PDLIM3: variants seen among roughly 807,000 people sequenced by gnomAD.
The protein encoded by PDLIM3 is PDZ and LIM domain protein 3.
A neutral mutation model predicts 37.3 loss-of-function variants in PDLIM3; 36 were observed. The ratio of observed to expected loss-of-function variants is 0.97; its 90% CI spans 0.74 to 1.28. The LOEUF (loss-of-function observed/expected upper bound fraction) is 1.28. Ranked by LOEUF, PDLIM3 falls within the 50% of genes most tolerant of loss-of-function variation. The probability of loss-of-function intolerance (pLI) is 0.00; values close to 1 mark genes in which losing one functional copy is unlikely to be tolerated. For missense variants in PDLIM3, 454 were observed against 485.0 expected, an observed-to-expected ratio of 0.94 and a Z score of 0.60; for synonymous variants, 174 against 182.4, an observed-to-expected ratio of 0.95 and a Z score of 0.37.
At chr4:185,531,014 A>G (rs1420495261) in intron 1 of PDLIM3, among the ~76,000 whole-genome samples, 1 of 150,548 alleles carries the variant, frequency 6.6e-6, no homozygotes, top group Non-Finnish European at 1.5e-5. Flanking sequence ...ACACACACAC[A>G]CGTATATATA....
chr4:185,525,071 G>A lies in PDLIM3; in HGVS notation c.194C>T (p.Ala65Val), dbSNP rs769091239. The change falls in exon 2 of 8, where the codon GCG (alanine) becomes GTG (valine). Residue 65 changes from alanine to valine, a missense_variant. Transcript: ENST00000284767. ...AGCTGCTGCTTTAATCCTGTCCTGC[G>A]CATCAGCATGAGTCATGGACTCTGT... ...FGTESMTHAD[A>V]QDRIKAAAHQ... 6.8e-6 allele frequency: 11 copies of A among 1,613,916 alleles called. No homozygotes were observed. Among genetic ancestry groups the A allele is most frequent in the East Asian group, 2.2e-5 (1 of 44,900 alleles).
intron 1 of PDLIM3, among the ~76,000 whole-genome samples, chr4:185,525,783 CTCT>C (rs2095732967): frequency 6.6e-6 from 1 of 152,150 alleles, no homozygotes; most frequent in Non-Finnish European, 1.5e-5. Context: ...GCTCTCAGCT[CTCT>C]TGCCTCCAAT....
At position 185,502,615 on chromosome 4, in the gene PDLIM3, G is replaced by A. The variant is rs2095689021; in HGVS notation, c.906-132C>T. 7.1e-5 allele frequency: 57 copies of A among 800,146 alleles called. No individual in the cohort carries two copies. In the South Asian group the frequency reaches 7.6e-4, roughly 11 times the overall value. The allele number at this position is 800,146 out of a possible 1,614,324, so 49.6% of individuals were successfully genotyped here. ...GAAACAATGGCCTCCAGCTGTGAAA[G>A]CAGGCACAGCCGTGAAACTGTATGT... On this transcript the variant is annotated intron_variant, in intron 7 of 7. Transcript: ENST00000284767.
In PDLIM3 at chr4:185,501,643, CCA is replaced by C. The variant is rs1314428635; in HGVS notation, c.*649_*650del. The C allele has an allele frequency of 1.4e-4, 21 of 152,764 alleles. No homozygotes were observed. Among genetic ancestry groups the C allele is most frequent in the Admixed American group, 1.2e-3 (18 of 15,374 alleles). 9.5% of individuals were successfully genotyped at this position (152,764 alleles called of 1,614,324 possible). A position where few individuals can be genotyped will look rare whatever the true frequency, so the allele number is the denominator to read the frequency against. On this transcript the variant is annotated 3_prime_UTR_variant, in exon 8 of 8. Coordinates refer to ENST00000284767, the MANE Select transcript of PDLIM3 (RefSeq NM_014476.6). ...TAATGAGTTATAAAACCTGAAGAAGCCACATTTATCTTAAAATATTTGTTAGT... is the reference window on the plus strand; with the variant it reads ...TAATGAGTTATAAAACCTGAAGAAGCCATTTATCTTAAAATATTTGTTAGT...
At position 185,534,489 on chromosome 4, in the gene PDLIM3, C is replaced by A. The variant is rs548007750; in HGVS notation, c.93+853G>T. On this transcript the variant is annotated intron_variant, in intron 1 of 7. Coordinates refer to ENST00000284767, the MANE Select transcript of PDLIM3 (RefSeq NM_014476.6). ...TTGTGTTAGAAAAAAACCAGCTAGA[C>A]CAAATAATGCTTTAGAATTAATTCT... Among the ~76,000 whole-genome samples, 13 of 152,276 alleles carry A rather than the reference C, an allele frequency of 8.5e-5. No homozygotes were observed. In the East Asian group the frequency reaches 2.5e-3, roughly 29 times the overall value.
At chr4:185,519,945 G>A (rs959021401) in intron 3 of PDLIM3, among the ~76,000 whole-genome samples, 2 of 152,146 alleles carry the variant, frequency 1.3e-5, no homozygotes, top group African/African-American at 4.8e-5. Context: ...ACACGTATTT[G>A]CTGTCCAGAA....
intron 1 of PDLIM3, among the ~76,000 whole-genome samples, chr4:185,528,382 A>G (rs1227160748): frequency 6.6e-6 from 1 of 152,376 alleles, no homozygotes; most frequent in East Asian, 1.9e-4. Context: ...TAGATAATGA[A>G]TAACTATTGG....
chr4:185,519,557 G>A (rs888748688), intron 3 of PDLIM3, among the ~76,000 whole-genome samples: 15 of 152,282 alleles, frequency 9.9e-5, no homozygotes, highest in African/African-American at 3.6e-4. Context: ...AAAGTGCTGG[G>A]ACTACAGGCG....
chr4:185,506,422 G>A, intron 6 of PDLIM3, 100 bp downstream of exon 6: 1 of 1,512,448 alleles, frequency 6.6e-7, no homozygotes, highest in East Asian at 2.3e-5. Context: ...TGAAAACCAA[G>A]TTTTAGACTT....
chr4:185,531,926 T>TTAA (rs1554040345), intron 1 of PDLIM3, among the ~76,000 whole-genome samples: 2 of 105,916 alleles, frequency 1.9e-5, no homozygotes, highest in African/African-American at 3.7e-5. Context: ...CTATCTCTAC[T>TTAA]AAAAAAAAAA....
intron 3 of PDLIM3, among the ~76,000 whole-genome samples, chr4:185,519,567 G>C (rs553642500): frequency 1.3e-5 from 2 of 152,246 alleles, no homozygotes; most frequent in Non-Finnish European, 2.9e-5. Context: ...GACTACAGGC[G>C]TGAGCCACCA....
Position 185,514,919 on chromosome 4 carries a change from C to A in PDLIM3, c.331-582G>T. On this transcript the variant is annotated intron_variant, in intron 3 of 7. Transcript: ENST00000284767. This position sits in a 1 kb window ranked among gnomAD's most constrained non-coding sequence, Gnocchi z 4.0. ...TACAATGGCAGACAAAATACACAGC[C>A]ACACAGCGCACAAGAAAGCCATTAG... The A allele has an allele frequency of 6.5e-7, 1 of 1,529,120 alleles. No individual in the cohort carries two copies. Among genetic ancestry groups the A allele is most frequent in the Non-Finnish European group, 8.8e-7 (1 of 1,133,016 alleles). 94.7% of individuals were successfully genotyped at this position (1,529,120 alleles called of 1,614,324 possible).
rs200518013 is a variant in PDLIM3, at chr4:185,522,045, A to ATT, written c.330+1316_330+1317insAA. Among the ~76,000 whole-genome samples the ATT allele has an allele frequency of 9.3e-3, 622 of 66,662 alleles. 124 individuals are homozygous for ATT. The highest frequency in any genetic ancestry group is 0.016 in the African/African-American group (582 of 36,664). The allele number at this position is 66,662 out of a possible 152,430, so 43.7% of individuals were successfully genotyped here. On this transcript the variant is annotated intron_variant, in intron 3 of 7. Transcript: ENST00000284767. ...AAAACTCTACGACAACAATCTAATA[A>ATT]ACTCATTTCCTCTAAAGATTACATT...
intron 1 of PDLIM3, among the ~76,000 whole-genome samples, chr4:185,528,930 T>C (rs968703375): frequency 7.9e-5 from 12 of 152,208 alleles, no homozygotes; most frequent in Non-Finnish European, 1.8e-4. Flanking sequence ...CTTTATTGCA[T>C]TATTATATTC....
intron 1 of PDLIM3, among the ~76,000 whole-genome samples, chr4:185,530,039 A>C (rs551354991): frequency 6.6e-6 from 1 of 152,164 alleles, no homozygotes; most frequent in East Asian, 1.9e-4. Flanking sequence ...CTGCTGATAT[A>C]TTATCTTCTC....
chr4:185,504,586 T>C lies in PDLIM3; in HGVS notation c.794A>G (p.Asp265Gly), dbSNP rs750061720. 1 of 1,613,224 alleles carries C rather than the reference T, an allele frequency of 6.2e-7. No individual in the cohort carries two copies. Among genetic ancestry groups the C allele is most frequent in the Non-Finnish European group, 8.5e-7 (1 of 1,179,300 alleles). ...VLQGMVDDGS[D>G]DRPAGTRSVR... is the part of the protein sequence containing the mutation. ...ACTCCGCGTTCCAGCCGGACGGTCA[T>C]CTGAAAAACAAAGCGTTTCCATTTA... The change falls in exon 7 of 8, where the codon GAT becomes GGT. Residue 265 changes from aspartate (D) to glycine (G), a missense_variant and splice_region_variant. By Grantham distance (94) the Asp-to-Gly change is moderately conservative (BLOSUM62 -1). Coordinates refer to ENST00000284767, the MANE Select transcript of PDLIM3 (RefSeq NM_014476.6). The surrounding 1 kb of genome is among the most constrained non-coding windows in gnomAD (Gnocchi z 4.7).
intron 1 of PDLIM3, among the ~76,000 whole-genome samples, chr4:185,530,309 A>T (rs2095741755): frequency 6.6e-6 from 1 of 152,274 alleles, no homozygotes. Context: ...CTTCAAATGT[A>T]GTTTATATTA....
At chr4:185,512,989 C>G (rs2153334890) in intron 4 of PDLIM3, 1 of 985,360 alleles carries the variant, frequency 1.0e-6, no homozygotes, top group Admixed American at 6.1e-5. Flanking sequence ...TTGCCACTTG[C>G]TTGGGAAATG....
Position 185,502,279 on chromosome 4 carries a change from C to T in PDLIM3, c.*15G>A, listed in dbSNP as rs1212832231. The T allele has an allele frequency of 6.2e-7, 1 of 1,613,680 alleles. No homozygotes were observed. Among genetic ancestry groups the T allele is most frequent in the Admixed American group, 1.7e-5 (1 of 60,026 alleles). Reference sequence around the variant, plus strand: ...CGTGGGTGGGTGCGTGCGTGCGTGCCACGCCTGCAGAGACTTAAGCTTTGG... The same window carrying T: ...CGTGGGTGGGTGCGTGCGTGCGTGCTACGCCTGCAGAGACTTAAGCTTTGG... On this transcript the variant is annotated 3_prime_UTR_variant, in exon 8 of 8. Transcript: ENST00000284767.
Sources: allele counts gnomAD v4.1 joint callset (sites outside exome capture counted in the v4.1 genomes callset), GRCh38; gene constraint gnomAD v4.1.1; non-coding constraint Gnocchi (gnomAD v3.1); transcripts MANE v1.5; gene names NCBI Gene and HGNC (gene_info 2026-07-23, HGNC 2026-07-21).